Variants in PIK3C3 observed in about 807,000 individuals in gnomAD.
The protein encoded by PIK3C3 is phosphatidylinositol 3-kinase catalytic subunit type 3, also known as PI3-kinase type 3.
A neutral mutation model predicts 126.1 loss-of-function variants in PIK3C3; 95 were observed. That is an observed-to-expected ratio of 0.75 (90% CI 0.64 to 0.89). The LOEUF (loss-of-function observed/expected upper bound fraction) is 0.89, where lower values mean the gene tolerates loss of function less well. Among genes scored for constraint, PIK3C3 ranks in the 40% least tolerant of loss-of-function variants. The probability of loss-of-function intolerance (pLI) is 0.00; values close to 1 mark genes in which losing one functional copy is unlikely to be tolerated. For synonymous variants in PIK3C3, 374 were observed against 360.0 expected, an observed-to-expected ratio of 1.04 and a Z score of -0.44; for missense variants, 829 against 1,063.2, an observed-to-expected ratio of 0.78 and a Z score of 3.06.
chr18:41,990,867 T>C (rs1425895853), intron 6 of PIK3C3, among the ~76,000 whole-genome samples: 1 of 152,178 alleles, frequency 6.6e-6, no homozygotes, highest in Non-Finnish European at 1.5e-5. Context: ...TAATATTATT[T>C]ATTTAAAAAA....
chr18:41,995,804 C>G (rs1981996926), intron 7 of PIK3C3, 86 bp from the exon 8 acceptor site: 3 of 889,970 alleles, frequency 3.4e-6, no homozygotes, highest in East Asian at 2.6e-5. Context: ...ATTAAATGCT[C>G]CTAAGTACCT....
chr18:42,004,299 A>C (rs1374760329), intron 9 of PIK3C3, 57 bp from the exon 10 acceptor site: 17 of 1,380,512 alleles, frequency 1.2e-5, no homozygotes, highest in Non-Finnish European at 1.0e-5. Flanking sequence ...TGCCTAGTCA[A>C]CTTCTCTATC....
chr18:42,025,770 A>G (rs908343599), intron 13 of PIK3C3: 4 of 152,256 alleles, frequency 2.6e-5, no homozygotes, highest in Non-Finnish European at 5.9e-5. Context: ...ATTAGACCTT[A>G]GATGTAAAAA....
At chr18:41,999,877 A>G (rs1982200034) in intron 9 of PIK3C3, among the ~76,000 whole-genome samples, 2 of 152,062 alleles carry the variant, frequency 1.3e-5, no homozygotes, top group Admixed American at 6.6e-5. Context: ...TGGGGCAGGA[A>G]AGCATGAGTA....
chr18:42,041,857 T>C (rs1430850701), intron 19 of PIK3C3, among the ~76,000 whole-genome samples: 1 of 152,230 alleles, frequency 6.6e-6, no homozygotes, highest in Non-Finnish European at 1.5e-5. Flanking sequence ...TCAAACTGCC[T>C]GGGATTGAAT....
intron 15 of PIK3C3, among the ~76,000 whole-genome samples, chr18:42,032,755 C>T (rs1228630868): frequency 6.6e-6 from 1 of 151,654 alleles, no homozygotes; most frequent in Non-Finnish European, 1.5e-5. Context: ...TAGATCTGAC[C>T]ATCCATTTAG....
chr18:41,993,158 G>A (rs1981860703), intron 6 of PIK3C3, 112 bp from the exon 7 acceptor site: 2 of 567,424 alleles, frequency 3.5e-6, no homozygotes, highest in Non-Finnish European at 6.1e-6. Flanking sequence ...TTTCTTTAAA[G>A]GGAAGAATGA....
intron 10 of PIK3C3, among the ~76,000 whole-genome samples, chr18:42,013,024 CAT>C (rs1354227351): frequency 1.3e-5 from 2 of 151,576 alleles, no homozygotes; most frequent in African/African-American, 4.8e-5. Flanking sequence ...TAATATTAAA[CAT>C]AGAATGCACT....
intron 16 of PIK3C3, among the ~76,000 whole-genome samples, chr18:42,034,378 T>A (rs1371285164): frequency 6.6e-6 from 1 of 152,300 alleles, no homozygotes; most frequent in South Asian, 2.1e-4. Context: ...TCAAGCTAAT[T>A]GTTAATCAGA....
At chr18:42,029,220 A>T (rs1598910971) in intron 14 of PIK3C3, 105 bp from the exon 15 acceptor site, 1 of 709,816 alleles carries the variant, frequency 1.4e-6, no homozygotes, top group East Asian at 2.6e-5. Flanking sequence ...TTTCTATTTA[A>T]GTTTATAACT....
chr18:41,996,401 C>T (rs1982026697), intron 8 of PIK3C3, among the ~76,000 whole-genome samples: 1 of 152,102 alleles, frequency 6.6e-6, no homozygotes, highest in Non-Finnish European at 1.5e-5. Flanking sequence ...ATGAACTCTC[C>T]AGTTAAATAT....
At chr18:42,010,205 C>T (rs1398473643) in intron 10 of PIK3C3, among the ~76,000 whole-genome samples, 1 of 152,200 alleles carries the variant, frequency 6.6e-6, no homozygotes, top group Non-Finnish European at 1.5e-5. Context: ...TAGATCGCAT[C>T]TCAAGAAACT....
At chr18:41,956,347 A>C (rs907867546) in intron 1 of PIK3C3, among the ~76,000 whole-genome samples, 5 of 152,238 alleles carry the variant, frequency 3.3e-5, no homozygotes, top group East Asian at 3.9e-4. Context: ...ATATGTCAAC[A>C]ACCACCTTGT....
rs149101618 is a variant in PIK3C3 at position 42,066,615 on chromosome 18, G to C, written c.2524-773G>C. ...GAGATATTATCTACTGTATGTTTGC[G>C]TATCAGTCGGATGAAATGTTGCATG... is the stretch of plus-strand genomic sequence containing the variant. On this transcript the variant is annotated intron_variant, in intron 23 of 24. Transcript: ENST00000262039. Among the ~76,000 whole-genome samples the C allele has an allele frequency of 3.0e-3, 461 of 152,166 alleles. 11 individuals are homozygous for C. In the South Asian group the frequency reaches 0.06, roughly 20 times the overall value.
At chr18:41,968,820 T>G (rs1980504313) in intron 3 of PIK3C3, among the ~76,000 whole-genome samples, 3 of 151,106 alleles carry the variant, frequency 2.0e-5, no homozygotes, top group Admixed American at 2.0e-4. Context: ...TTTTTGTTGT[T>G]TTTTTTTTAA....
chr18:41,993,559 G>T (rs770031053), intron 7 of PIK3C3, among the ~76,000 whole-genome samples: 13 of 152,062 alleles, frequency 8.5e-5, no homozygotes, highest in Middle Eastern at 3.4e-3. Flanking sequence ...GTAGGGTTGG[G>T]CATCCACTTT....
intron 7 of PIK3C3, among the ~76,000 whole-genome samples, chr18:41,993,624 G>C (rs971345953): frequency 6.6e-6 from 1 of 151,738 alleles, no homozygotes; most frequent in Non-Finnish European, 1.5e-5. Flanking sequence ...TCTTCAGGTT[G>C]GGGGTATATA....
intron 8 of PIK3C3, 96 bp downstream of exon 8, chr18:41,996,090 A>C: frequency 1.3e-6 from 1 of 774,764 alleles, no homozygotes; most frequent in Non-Finnish European, 2.2e-6. Context: ...ATTTAGATGC[A>C]CATTTTCTCC....
At chr18:42,037,847 A>G (rs1984125417) in intron 17 of PIK3C3, 27 bp downstream of exon 17, 2 of 1,584,940 alleles carry the variant, frequency 1.3e-6, no homozygotes, top group Non-Finnish European at 1.7e-6. Context: ...GTTGGTGGGG[A>G]ACATTTTTTT....
Sources: allele counts gnomAD v4.1 joint callset (sites outside exome capture counted in the v4.1 genomes callset), GRCh38; gene constraint gnomAD v4.1.1; transcripts MANE v1.5; gene names NCBI Gene and HGNC (gene_info 2026-07-23, HGNC 2026-07-21).